SYT14: variants seen among roughly 807,000 people sequenced by gnomAD.
SYT14 encodes the protein synaptotagmin-14.
In SYT14, 32 loss-of-function variants were observed where a neutral mutation model predicts 74.2. The observed-to-expected ratio is 0.43, with a 90% CI of 0.33 to 0.58. SYT14 has a LOEUF of 0.58. Among genes scored for constraint, SYT14 ranks in the 20% least tolerant of loss-of-function variants. SYT14 has a pLI of 0.05. For missense variants in SYT14, 791 were observed against 981.8 expected (o/e 0.81, Z 2.60); for synonymous variants, 298 against 337.7 (o/e 0.88, Z 1.29).
chr1:210,087,691 G>C (rs763317238), intron 5 of SYT14, among the ~76,000 whole-genome samples: 1 of 152,106 alleles, frequency 6.6e-6, no homozygotes, highest in Non-Finnish European at 1.5e-5. Context: ...ACCTGCCCTT[G>C]GGTTCTGACA....
intron 1 of SYT14, among the ~76,000 whole-genome samples, chr1:209,948,673 T>G (rs1328684258): frequency 6.6e-6 from 1 of 152,198 alleles, no homozygotes; most frequent in Non-Finnish European, 1.5e-5. Context: ...CAAAATACAT[T>G]AAATATAATG....
intron 7 of SYT14, among the ~76,000 whole-genome samples, chr1:210,153,755 G>A (rs2083214578): frequency 6.6e-6 from 1 of 152,048 alleles, no homozygotes; most frequent in South Asian, 2.1e-4. Context: ...CTTTAGTAAG[G>A]CTAGGATCTT....
intron 3 of SYT14, 47 bp downstream of exon 3, chr1:210,013,844 C>G: frequency 6.4e-7 from 1 of 1,555,064 alleles, no homozygotes. Flanking sequence ...TTTATCCGTA[C>G]TATTATTTAC....
chr1:210,099,931 A>G, intron 6 of SYT14, 81 bp from the exon 6 acceptor site: 1 of 1,330,462 alleles, frequency 7.5e-7, no homozygotes, highest in Non-Finnish European at 1.0e-6. Context: ...CACATCTTCT[A>G]AAGAAATATC....
chr1:210,065,095 C>A (rs1208209741), intron 5 of SYT14, among the ~76,000 whole-genome samples: 1 of 151,964 alleles, frequency 6.6e-6, no homozygotes, highest in African/African-American at 2.4e-5. Flanking sequence ...ATATTCAAGT[C>A]CTTTGCCCAG....
chr1:210,070,707 G>A (rs1400094250), intron 5 of SYT14, among the ~76,000 whole-genome samples: 1 of 152,124 alleles, frequency 6.6e-6, no homozygotes, highest in East Asian at 1.9e-4. Context: ...AGTTTTAAGT[G>A]GCTTGCGCTT....
At chr1:210,000,610 C>CTTTTTTTTT (rs1404742763) in intron 2 of SYT14, among the ~76,000 whole-genome samples, 2 of 115,596 alleles carry the variant, frequency 1.7e-5, no homozygotes, top group East Asian at 2.9e-4. Flanking sequence ...TGTTTTATGC[C>CTTTTTTTTT]TTCTTTTTTT....
intron 5 of SYT14, among the ~76,000 whole-genome samples, chr1:210,090,500 G>A (rs2081845161): frequency 6.6e-6 from 1 of 151,962 alleles, no homozygotes; most frequent in Non-Finnish European, 1.5e-5. Flanking sequence ...TTTTTTCTAT[G>A]GTAAGAAAAT....
At chr1:210,071,259 C>G (rs1448608598) in intron 5 of SYT14, among the ~76,000 whole-genome samples, 1 of 68,996 alleles carries the variant, frequency 1.4e-5, no homozygotes, top group Non-Finnish European at 4.2e-5. Context: ...AAGAGCTTTC[C>G]TTTAGTAAGT....
At chr1:209,938,743 G>GT (rs1305827719) in intron 1 of SYT14, among the ~76,000 whole-genome samples, 1 of 152,040 alleles carries the variant, frequency 6.6e-6, no homozygotes, top group Non-Finnish European at 1.5e-5. Flanking sequence ...TGAGAGTCCA[G>GT]TTTTTTGTCC....
At chr1:210,021,968 CATTA>C (rs2080312704) in intron 5 of SYT14, among the ~76,000 whole-genome samples, 1 of 152,060 alleles carries the variant, frequency 6.6e-6, no homozygotes, top group African/African-American at 2.4e-5. Context: ...CAGATTTTGC[CATTA>C]ATTAAAGCAT....
intron 7 of SYT14, among the ~76,000 whole-genome samples, chr1:210,120,557 A>C (rs953100831): frequency 7.9e-5 from 12 of 152,224 alleles, no homozygotes; most frequent in Admixed American, 5.2e-4. Context: ...AGTGTTCAGT[A>C]CGGTAACCTG....
At chr1:210,167,764 A>G (rs2083471059) in exon 10 of SYT14, 2 of 152,202 alleles carry the variant, frequency 1.3e-5, no homozygotes, top group Non-Finnish European at 2.9e-5. Context: ...TTATTATCAA[A>G]AAATGAATGT....
rs11806432 is a variant in SYT14 at position 210,034,708 on chromosome 1, A to T, written c.1312+13454A>T. Among the ~76,000 whole-genome samples the T allele has an allele frequency of 3.2e-3, 482 of 151,936 alleles. 6 individuals carry two copies. The highest frequency in any genetic ancestry group is 0.011 in the African/African-American group (466 of 41,518). On this transcript the variant is annotated intron_variant, in intron 5 of 9. Transcript: ENST00000637265. ...TGTAAATATTACCTAGCTTCCACTT[A>T]AAAGTGGGATCATGCAGTATATGAC...
Position 210,121,719 on chromosome 1 carries a change from A to G in SYT14, c.2034+21258A>G, listed in dbSNP as rs926033453. Among the ~76,000 whole-genome samples the G allele has an allele frequency of 3.6e-3, 539 of 151,588 alleles. 6 individuals carry two copies. Among genetic ancestry groups the G allele is most frequent in the African/African-American group, 0.012 (480 of 41,348 alleles). ...TGAGGCAGGAGAATGGCGTGAACCC[A>G]GGAGGCAGAGCTTGCAGTGAGCCAA... is the stretch of plus-strand genomic sequence containing the variant. On this transcript the variant is annotated intron_variant, in intron 7 of 9. Transcript: ENST00000637265.
intron 4 of SYT14, among the ~76,000 whole-genome samples, chr1:210,019,168 TCTTC>T (rs965036273): frequency 1.3e-5 from 2 of 148,644 alleles, no homozygotes; most frequent in Non-Finnish European, 3.0e-5. Context: ...GAAAGGGTTT[TCTTC>T]TTTATTTCTA....
intron 7 of SYT14, among the ~76,000 whole-genome samples, chr1:210,122,801 G>A (rs1212519530): frequency 3.3e-5 from 5 of 152,106 alleles, no homozygotes; most frequent in Admixed American, 6.6e-5. Context: ...ATTCCATACC[G>A]TGAATTGTAA....
intron 5 of SYT14, among the ~76,000 whole-genome samples, chr1:210,044,531 T>C (rs943698109): frequency 6.6e-6 from 1 of 152,192 alleles, no homozygotes; most frequent in East Asian, 1.9e-4. Context: ...CGAAACTTAT[T>C]AGGGTGCTTC....
chr1:210,050,622 G>A (rs1558154140), intron 5 of SYT14, among the ~76,000 whole-genome samples: 1 of 152,192 alleles, frequency 6.6e-6, no homozygotes, highest in Non-Finnish European at 1.5e-5. Context: ...ACAAAAGAAA[G>A]AGGTTTATTG....
Sources: allele counts gnomAD v4.1 joint callset (sites outside exome capture counted in the v4.1 genomes callset), GRCh38; gene constraint gnomAD v4.1.1; transcripts MANE v1.5; gene names NCBI Gene and HGNC (gene_info 2026-07-23, HGNC 2026-07-21).